The following TSGA10 variants were observed in gnomAD, a reference collection of about 807,000 sequenced individuals.
TSGA10 encodes testis-specific gene 10 protein.
TSGA10 carries 43 observed loss-of-function variants against 96.6 expected under a neutral mutation model. The ratio of observed to expected loss-of-function variants is 0.44; its 90% CI spans 0.35 to 0.57. The LOEUF is 0.57. TSGA10 is among the 20% of genes least tolerant of loss of function. The probability of loss-of-function intolerance (pLI) is 0.01; values close to 1 mark genes in which losing one functional copy is unlikely to be tolerated. For synonymous variants in TSGA10, 229 were observed against 269.9 expected (o/e 0.85, Z 1.48); for missense variants, 703 against 834.4 (o/e 0.84, Z 1.94).
chr2:99,059,885 G>A (rs2084480547), intron 16 of TSGA10, among the ~76,000 whole-genome samples: 1 of 143,750 alleles, frequency 7.0e-6, no homozygotes, highest in Admixed American at 7.2e-5. Flanking sequence ...CTGCACTCCA[G>A]CCTGGGCGAC....
chr2:99,063,274 T>C, intron 16 of TSGA10, among the ~76,000 whole-genome samples: 1 of 152,190 alleles, frequency 6.6e-6, no homozygotes, highest in Non-Finnish European at 1.5e-5. Context: ...GAAGAACTTT[T>C]AAATGAAAAT....
At chr2:99,131,680 G>C (rs1444650678) in intron 1 of TSGA10, among the ~76,000 whole-genome samples, 1 of 152,124 alleles carries the variant, frequency 6.6e-6, no homozygotes, top group African/African-American at 2.4e-5. Context: ...GTGAGAGAGG[G>C]CATCCTTGTC....
chr2:99,078,259 A>G (rs2086984446), intron 12 of TSGA10, among the ~76,000 whole-genome samples: 1 of 141,322 alleles, frequency 7.1e-6, no homozygotes, highest in African/African-American at 2.8e-5. Flanking sequence ...CAAGGGAGGA[A>G]GACTCCCGTT....
chr2:99,037,928 A>G (rs1044211936), intron 16 of TSGA10, among the ~76,000 whole-genome samples: 10 of 152,140 alleles, frequency 6.6e-5, no homozygotes, highest in African/African-American at 2.2e-4. Context: ...GTAACCTATA[A>G]AGAAAAACCT....
chr2:99,054,736 A>G (rs2083784756), intron 16 of TSGA10, among the ~76,000 whole-genome samples: 1 of 152,226 alleles, frequency 6.6e-6, no homozygotes, highest in Non-Finnish European at 1.5e-5. Flanking sequence ...GCCAACAGGT[A>G]TGTTAAAAAA....
At chr2:99,079,036 A>T (rs1337038480) in intron 11 of TSGA10, 3 of 349,248 alleles carry the variant, frequency 8.6e-6, no homozygotes, top group African/African-American at 6.3e-5. Context: ...CACAATAACA[A>T]TGAATTAGAA....
chr2:99,121,944 T>G (rs1320793578), intron 2 of TSGA10, among the ~76,000 whole-genome samples: 1 of 152,204 alleles, frequency 6.6e-6, no homozygotes, highest in Non-Finnish European at 1.5e-5. Flanking sequence ...TCCATTTAAT[T>G]TTTTATGAAG....
intron 16 of TSGA10, among the ~76,000 whole-genome samples, chr2:99,048,897 C>T (rs894659818): frequency 9.2e-5 from 14 of 152,080 alleles, no homozygotes; most frequent in African/African-American, 3.1e-4. Flanking sequence ...AAAAAACAGA[C>T]GACCCCACCA....
At chr2:99,022,507 A>G (rs956005888) in intron 17 of TSGA10, among the ~76,000 whole-genome samples, 1 of 152,118 alleles carries the variant, frequency 6.6e-6, no homozygotes, top group African/African-American at 2.4e-5. Flanking sequence ...TTTAAGAGTT[A>G]TCGATGTTTT....
In TSGA10 at chr2:99,143,298, C is replaced by T. The variant is rs114434501; in HGVS notation, c.-621+11395G>A. Reference sequence around the variant, plus strand: ...CTAGGACTACAGGCGCCCACTACTACGCCCAGCTTTTTTTTTGTTTGTTTT... The same window carrying T: ...CTAGGACTACAGGCGCCCACTACTATGCCCAGCTTTTTTTTTGTTTGTTTT... On this transcript the variant is annotated intron_variant, in intron 1 of 20. Coordinates refer to ENST00000393483, the MANE Select transcript of TSGA10 (RefSeq NM_025244.4). 9.9e-3 allele frequency among the ~76,000 whole-genome samples: 1,464 copies of T among 148,394 alleles called. 13 individuals are homozygous for T. The highest frequency in any genetic ancestry group is 0.034 in the African/African-American group (1,390 of 40,812).
At chr2:99,004,672 T>G (rs1029763463) in intron 20 of TSGA10, among the ~76,000 whole-genome samples, 1 of 151,302 alleles carries the variant, frequency 6.6e-6, no homozygotes, top group Non-Finnish European at 1.5e-5. Flanking sequence ...CCAAAAAAAG[T>G]CCAGAACCAG....
At position 99,087,642 on chromosome 2, in the gene TSGA10, C is replaced by T. The variant is rs555101941; in HGVS notation, c.612-6245G>A. On this transcript the variant is annotated intron_variant, in intron 10 of 20. Transcript: ENST00000393483. ...GTTTGAGGCTACAGTGAGCTGTCAT[C>T]GCACCACTACTGTCCAGCCTGAGTG... Among the ~76,000 whole-genome samples, 48 of 152,250 alleles carry T rather than the reference C, an allele frequency of 3.2e-4. 1 individual carries two copies. Among genetic ancestry groups the T allele is most frequent in the African/African-American group, 1.1e-3 (46 of 41,532 alleles).
At chr2:99,000,549 C>T (rs1049804667) in intron 20 of TSGA10, among the ~76,000 whole-genome samples, 11 of 150,844 alleles carry the variant, frequency 7.3e-5, no homozygotes, top group Admixed American at 1.3e-4. Flanking sequence ...CCAAGATGGT[C>T]GAATAGGAAG....
chr2:99,000,899 G>A (rs1250696153), intron 20 of TSGA10, among the ~76,000 whole-genome samples: 7 of 152,158 alleles, frequency 4.6e-5, no homozygotes, highest in Admixed American at 3.3e-4. Flanking sequence ...ATCGAACTGC[G>A]AGGTGGCAGC....
At chr2:99,038,991 C>T (rs918025632) in intron 16 of TSGA10, among the ~76,000 whole-genome samples, 2 of 152,000 alleles carry the variant, frequency 1.3e-5, no homozygotes, top group African/African-American at 4.8e-5. Flanking sequence ...TAGGAACCCT[C>T]AAAACTATAA....
chr2:99,086,955 A>T (rs1208676713), intron 10 of TSGA10, among the ~76,000 whole-genome samples: 1 of 152,074 alleles, frequency 6.6e-6, no homozygotes, highest in Non-Finnish European at 1.5e-5. Context: ...CTGTAATCCC[A>T]GCACTTTGGG....
At chr2:99,092,538 A>G (rs1311413642) in intron 10 of TSGA10, among the ~76,000 whole-genome samples, 1 of 152,182 alleles carries the variant, frequency 6.6e-6, no homozygotes, top group African/African-American at 2.4e-5. Context: ...AGCGAGATTT[A>G]ACTAAGAAGA....
intron 1 of TSGA10, among the ~76,000 whole-genome samples, chr2:99,135,716 G>A (rs2093295343): frequency 6.6e-6 from 1 of 152,152 alleles, no homozygotes; most frequent in Admixed American, 6.5e-5. Context: ...GATAATAAGA[G>A]TATCTGCATT....
intron 2 of TSGA10, chr2:99,125,122 T>C (rs1421323489): frequency 2.0e-5 from 3 of 152,226 alleles, no homozygotes; most frequent in Non-Finnish European, 4.4e-5. Context: ...CTCCATATAG[T>C]TGGAATCATA....
Sources: gnomAD v4.1 joint callset for allele counts (sites outside exome capture counted in the v4.1 genomes callset) on GRCh38, gnomAD v4.1.1 for gene constraint, MANE v1.5 for transcripts, NCBI Gene and HGNC (gene_info 2026-07-23, HGNC 2026-07-21) for gene names.